Variants in GALNT13 observed in about 807,000 individuals in gnomAD.
GALNT13 encodes the protein polypeptide N-acetylgalactosaminyltransferase 13.
GALNT13 carries 28 observed loss-of-function variants against 64.2 expected under a neutral mutation model. The ratio of observed to expected loss-of-function variants is 0.44; its 90% CI spans 0.32 to 0.60. The LOEUF (loss-of-function observed/expected upper bound fraction) is 0.60, where lower values mean the gene tolerates loss of function less well. Ranked by LOEUF, GALNT13 falls within the 20% of genes least tolerant of loss-of-function variation. The pLI, the probability that GALNT13 is intolerant of heterozygous loss-of-function variation, is 0.05. For missense variants in GALNT13, 577 were observed against 669.8 expected, an observed-to-expected ratio of 0.86 and a Z score of 1.53; for synonymous variants, 214 against 224.6, an observed-to-expected ratio of 0.95 and a Z score of 0.42.
the GALNT13 span, among the ~76,000 whole-genome samples, chr2:153,526,328 C>A: frequency 6.6e-6 from 1 of 152,210 alleles, no homozygotes; most frequent in Non-Finnish European, 1.5e-5. Context: ...TTAATCCACA[C>A]CCAGCTTCAG....
rs532789975 is a variant in GALNT13 at position 154,368,352 on chromosome 2, A to T, written c.1157-27639A>T. Among the ~76,000 whole-genome samples the T allele has an allele frequency of 7.9e-5, 12 of 152,232 alleles. No individual in the cohort carries two copies. In the South Asian group the frequency reaches 2.1e-3, roughly 26 times the overall value. On this transcript the variant is annotated intron_variant, in intron 9 of 12. Coordinates refer to ENST00000392825, the MANE Select transcript of GALNT13 (RefSeq NM_052917.4). The stretch of plus-strand genomic sequence containing the variant: ...CCACAGCATAGAAACCCCTGCCAAC[A>T]CTAAGGTCACACCCCTCTCTGGGGT...
At chr2:153,964,757 AAAG>A (rs1237491339) in intron 3 of GALNT13, among the ~76,000 whole-genome samples, 1 of 152,030 alleles carries the variant, frequency 6.6e-6, no homozygotes, top group African/African-American at 2.4e-5. Flanking sequence ...AAATTAAAAT[AAAG>A]AAGAAAATTA....
At chr2:153,693,964 C>T in the GALNT13 span, among the ~76,000 whole-genome samples, 2 of 151,842 alleles carry the variant, frequency 1.3e-5, no homozygotes, top group Non-Finnish European at 2.9e-5. Flanking sequence ...AAAAATTAGC[C>T]GGGCGTGGTG....
chr2:153,541,929 C>T, the GALNT13 span, among the ~76,000 whole-genome samples: 1 of 152,170 alleles, frequency 6.6e-6, no homozygotes, highest in Non-Finnish European at 1.5e-5. Flanking sequence ...TCCTATCCAT[C>T]TGCCTCTAGT....
At chr2:153,993,417 C>T (rs1187040191) in intron 3 of GALNT13, among the ~76,000 whole-genome samples, 10 of 151,826 alleles carry the variant, frequency 6.6e-5, no homozygotes, top group South Asian at 4.1e-4. Context: ...TAAATTTGGC[C>T]GGGCACAGTG....
chr2:153,089,078 G>A, the GALNT13 span, among the ~76,000 whole-genome samples: 1 of 152,032 alleles, frequency 6.6e-6, no homozygotes, highest in Non-Finnish European at 1.5e-5. Context: ...CATGTGAAAT[G>A]CATCATTTAA....
chr2:153,094,177 A>G, the GALNT13 span, among the ~76,000 whole-genome samples: 1 of 151,830 alleles, frequency 6.6e-6, no homozygotes. Context: ...TTTTTTTCAT[A>G]TTAAATTTGG....
At chr2:153,124,302 G>T in the GALNT13 span, among the ~76,000 whole-genome samples, 2 of 152,198 alleles carry the variant, frequency 1.3e-5, no homozygotes, top group Non-Finnish European at 2.9e-5. Context: ...CTCGAGCTGT[G>T]TGTGGATTTC....
rs999077047 is a variant in GALNT13, at chr2:154,151,416, C to G, written c.311+10911C>G. ...AAAAATGTATATTCTGTTGATTTGG[C>G]GTGGAGAGTTCTGTAGATGTCTATT... is the stretch of plus-strand genomic sequence containing the variant. On this transcript the variant is annotated intron_variant, in intron 4 of 12. Transcript: ENST00000392825. 3.3e-5 allele frequency among the ~76,000 whole-genome samples: 5 copies of G among 152,064 alleles called. No homozygotes were observed. In the South Asian group the frequency reaches 6.2e-4, roughly 19 times the overall value.
At chr2:154,297,542 A>C (rs1483525067) in intron 8 of GALNT13, among the ~76,000 whole-genome samples, 1 of 152,172 alleles carries the variant, frequency 6.6e-6, no homozygotes, top group Non-Finnish European at 1.5e-5. Flanking sequence ...AGTCATCTAC[A>C]AGTCAGCAAG....
chr2:154,100,063 A>G (rs537045987), intron 3 of GALNT13, among the ~76,000 whole-genome samples: 1 of 152,104 alleles, frequency 6.6e-6, no homozygotes, highest in Admixed American at 6.6e-5. Context: ...CATTTCATTG[A>G]TCTCTGTCTC....
chr2:153,354,083 T>C, the GALNT13 span: 3 of 152,182 alleles, frequency 2.0e-5, no homozygotes, highest in African/African-American at 7.2e-5. Flanking sequence ...TTAACAAATA[T>C]AGGCCTATTC....
intron 9 of GALNT13, among the ~76,000 whole-genome samples, chr2:154,360,061 T>C (rs1353254878): frequency 6.6e-6 from 1 of 152,110 alleles, no homozygotes. Flanking sequence ...CCTGGAAAAA[T>C]GTTTGACAAT....
chr2:153,553,361 TGGCCTG>T, the GALNT13 span, among the ~76,000 whole-genome samples: 13,017 of 149,486 alleles, frequency 0.087, 999 homozygotes, highest in East Asian at 0.38. Flanking sequence ...CTGAGTGTGG[TGGCCTG>T]TGCCTGTGCC....
chr2:153,702,332 C>A, the GALNT13 span, among the ~76,000 whole-genome samples: 5 of 152,010 alleles, frequency 3.3e-5, no homozygotes. Context: ...ACAACATACA[C>A]TGGGGCCTGC....
the GALNT13 span, among the ~76,000 whole-genome samples, chr2:153,095,817 C>T: frequency 1.3e-5 from 2 of 151,476 alleles, no homozygotes; most frequent in Admixed American, 6.6e-5. Context: ...TGTTCTCACT[C>T]ATAGGTGGGA....
intron 3 of GALNT13, among the ~76,000 whole-genome samples, chr2:153,978,938 T>C (rs1244558448): frequency 6.6e-6 from 1 of 152,040 alleles, no homozygotes; most frequent in African/African-American, 2.4e-5. Context: ...AGCTAGACTC[T>C]GTTTCTTAAA....
the GALNT13 span, among the ~76,000 whole-genome samples, chr2:153,326,274 G>A: frequency 7.0e-6 from 1 of 143,492 alleles, no homozygotes; most frequent in East Asian, 2.0e-4. Context: ...TTTAAAGTTT[G>A]TTTTATCAGA....
At chr2:153,085,825 C>A in the GALNT13 span, among the ~76,000 whole-genome samples, 1 of 152,092 alleles carries the variant, frequency 6.6e-6, no homozygotes, top group Non-Finnish European at 1.5e-5. Context: ...ATTCTCCAGA[C>A]CCCAGAATGG....
Sources: allele counts gnomAD v4.1 joint callset (sites outside exome capture counted in the v4.1 genomes callset), GRCh38; gene constraint gnomAD v4.1.1; transcripts MANE v1.5; gene names NCBI Gene and HGNC (gene_info 2026-07-23, HGNC 2026-07-21).